CSMD3: variants seen among roughly 807,000 people sequenced by gnomAD.
CSMD3 encodes CUB and sushi domain-containing protein 3.
CSMD3 carries 177 observed loss-of-function variants against 435.2 expected under a neutral mutation model. That is an observed-to-expected ratio of 0.41 (90% CI 0.36 to 0.46). The LOEUF (loss-of-function observed/expected upper bound fraction) is 0.46, where lower values mean the gene tolerates loss of function less well. CSMD3 is among the 20% of genes least tolerant of loss of function. The pLI, the probability that CSMD3 is intolerant of heterozygous loss-of-function variation, is 0.34. For missense variants in CSMD3, 4,265 were observed against 4,504.6 expected, an observed-to-expected ratio of 0.95 and a Z score of 1.52; for synonymous variants, 1,656 against 1,520.5, an observed-to-expected ratio of 1.09 and a Z score of -2.07.
chr8:113,355,836 G>A (rs1286693064), intron 1 of CSMD3, among the ~76,000 whole-genome samples: 1 of 142,254 alleles, frequency 7.0e-6, no homozygotes, highest in African/African-American at 2.6e-5. Flanking sequence ...AAAATTATAG[G>A]AGCAGTTTTT....
chr8:112,594,329 C>A (rs973746212), intron 22 of CSMD3, among the ~76,000 whole-genome samples: 16 of 152,188 alleles, frequency 1.1e-4, no homozygotes, highest in African/African-American at 3.4e-4. Context: ...AAACGGCGCA[C>A]CACGAGATTA....
At chr8:112,289,171 A>G (rs553398390) in intron 57 of CSMD3, among the ~76,000 whole-genome samples, 194 bp downstream of exon 57, 112 of 152,224 alleles carry the variant, frequency 7.4e-4, no homozygotes, top group African/African-American at 2.6e-3. Context: ...ATCATCTACA[A>G]CATCAGTACC....
intron 38 of CSMD3, among the ~76,000 whole-genome samples, chr8:112,377,021 TC>T: frequency 6.6e-6 from 1 of 152,118 alleles, no homozygotes. Context: ...GGAGAACTAA[TC>T]TATTTTTATG....
chr8:112,437,698 C>A (rs2130467217), intron 32 of CSMD3, among the ~76,000 whole-genome samples: 1 of 151,904 alleles, frequency 6.6e-6, no homozygotes, highest in Non-Finnish European at 1.5e-5. Context: ...TTTTAGTGCT[C>A]TTGAAAAACA....
chr8:112,953,774 A>C (rs1340465041), intron 8 of CSMD3, among the ~76,000 whole-genome samples: 2 of 151,494 alleles, frequency 1.3e-5, no homozygotes, highest in African/African-American at 2.4e-5. Context: ...ATTTTTGTTA[A>C]AGAAATAATT....
At chr8:112,737,483 G>C (rs1184970335) in intron 13 of CSMD3, among the ~76,000 whole-genome samples, 1 of 151,902 alleles carries the variant, frequency 6.6e-6, no homozygotes, top group East Asian at 1.9e-4. Flanking sequence ...GGAAGGTGAA[G>C]GATAGAGGTT....
rs2130813196 is a variant in CSMD3 at position 112,311,025 on chromosome 8, G to A, written c.7838C>T (p.Ser2613Phe). The A allele has an allele frequency of 6.2e-7, 1 of 1,614,070 alleles. No homozygotes were observed. The highest frequency in any genetic ancestry group is 2.2e-5 in the East Asian group (1 of 44,844). ...VGKSSAVCRK[S>F]SYGYHAWDAP... ...ATCCCATGCATGATACCCATAGGAA[G>A]ACTTTCTGCACACAGCACTGCTTTT... is the stretch of plus-strand genomic sequence containing the variant. The change falls in exon 50 of 71, where the codon TCT (serine) becomes TTT (phenylalanine). Residue 2613 changes from serine to phenylalanine, a missense_variant. By Grantham distance (155) the Ser-to-Phe change is radical (BLOSUM62 -2). Coordinates refer to ENST00000297405, the MANE Select transcript of CSMD3 (RefSeq NM_198123.2).
intron 4 of CSMD3, among the ~76,000 whole-genome samples, chr8:113,147,221 T>A (rs1164147233): frequency 6.6e-6 from 1 of 151,674 alleles, no homozygotes; most frequent in Non-Finnish European, 1.5e-5. Flanking sequence ...TTGTTAGCTA[T>A]TTTTTTATTT....
At chr8:113,419,650 T>A (rs1170250693) in intron 1 of CSMD3, among the ~76,000 whole-genome samples, 1 of 152,194 alleles carries the variant, frequency 6.6e-6, no homozygotes, top group East Asian at 1.9e-4. Context: ...ACTATTCAAA[T>A]CATAATTTTA....
intron 3 of CSMD3, among the ~76,000 whole-genome samples, chr8:113,234,720 G>A (rs1435880836): frequency 1.3e-5 from 2 of 152,078 alleles, no homozygotes; most frequent in African/African-American, 4.8e-5. Flanking sequence ...ATTATCATTT[G>A]GTTAGGAAGC....
chr8:112,369,514 A>G (rs1563851301), intron 38 of CSMD3, among the ~76,000 whole-genome samples: 1 of 152,176 alleles, frequency 6.6e-6, no homozygotes, highest in Non-Finnish European at 1.5e-5. Context: ...CATATACACC[A>G]TGGAATACTA....
At chr8:112,653,498 T>G (rs943933599) in intron 18 of CSMD3, among the ~76,000 whole-genome samples, 2 of 152,080 alleles carry the variant, frequency 1.3e-5, no homozygotes, top group Non-Finnish European at 2.9e-5. Flanking sequence ...TATTTAGATA[T>G]CCAAGACTTA....
chr8:112,576,555 A>G (rs1351382536), intron 23 of CSMD3, among the ~76,000 whole-genome samples: 3 of 151,684 alleles, frequency 2.0e-5, no homozygotes, highest in African/African-American at 7.3e-5. Context: ...CATTTTTTTG[A>G]CAGGGTGTCT....
chr8:113,124,493 A>AG lies in CSMD3; in HGVS notation c.710-25531_710-25530insC, dbSNP rs2091071881. Among the ~76,000 whole-genome samples, 6 of 19,078 alleles carry AG rather than the reference A, an allele frequency of 3.1e-4. No individual in the cohort carries two copies. The South Asian group carries it at 0.012, about 39-fold the overall frequency. The allele number at this position is 19,078 out of a possible 152,430, so 12.5% of individuals were successfully genotyped here. A position where few individuals can be genotyped will look rare whatever the true frequency, so the allele number is the denominator to read the frequency against. On this transcript the variant is annotated intron_variant, in intron 4 of 70. Coordinates refer to ENST00000297405, the MANE Select transcript of CSMD3 (RefSeq NM_198123.2). ...TTAAATAAACCTTGTGGGAAAAAAG[A>AG]AAAAAAACCCTATGGGATTCATTTT... is the stretch of plus-strand genomic sequence containing the variant.
intron 57 of CSMD3, 135 bp from the exon 58 acceptor site, chr8:112,287,381 A>G: frequency 1.3e-6 from 1 of 767,932 alleles, no homozygotes; most frequent in Non-Finnish European, 2.3e-6. Context: ...ATTGTAATTC[A>G]TATTTCTTAT....
rs1010040417 is a variant in CSMD3 at position 112,224,510 on chromosome 8, G to A, written c.*261C>T. On this transcript the variant is annotated 3_prime_UTR_variant, in exon 71 of 71. Transcript: ENST00000297405. ...TATATGCAAATAAGTTTATATTTTAGAATAATCTCCTTTTTAAAAAAAGCA... is the reference window on the plus strand; with the variant it reads ...TATATGCAAATAAGTTTATATTTTAAAATAATCTCCTTTTTAAAAAAAGCA... The A allele has an allele frequency of 1.6e-5, 8 of 494,296 alleles. No homozygotes were observed. The highest frequency in any genetic ancestry group is 6.5e-5 in the Admixed American group (2 of 30,880). 30.6% of individuals were successfully genotyped at this position (494,296 alleles called of 1,614,324 possible).
At chr8:112,536,084 G>A (rs148993213) in intron 27 of CSMD3, among the ~76,000 whole-genome samples, 1 of 152,164 alleles carries the variant, frequency 6.6e-6, no homozygotes, top group Non-Finnish European at 1.5e-5. Flanking sequence ...AGAAAACTTA[G>A]GCATTAGCAT....
chr8:113,247,478 A>G (rs1410976132), intron 3 of CSMD3, among the ~76,000 whole-genome samples: 3 of 152,112 alleles, frequency 2.0e-5, no homozygotes, highest in Non-Finnish European at 4.4e-5. Flanking sequence ...ATTCATCACA[A>G]TGTTTAGTGT....
chr8:112,736,712 A>G (rs1477907859), intron 13 of CSMD3, among the ~76,000 whole-genome samples: 1 of 151,998 alleles, frequency 6.6e-6, no homozygotes, highest in Non-Finnish European at 1.5e-5. Flanking sequence ...GGGCTGTGAG[A>G]TAGAAACCAT....
Sources: gnomAD v4.1 joint callset for allele counts (sites outside exome capture counted in the v4.1 genomes callset) on GRCh38, gnomAD v4.1.1 for gene constraint, MANE v1.5 for transcripts, NCBI Gene and HGNC (gene_info 2026-07-23, HGNC 2026-07-21) for gene names.